APOBEC3G: variants seen among roughly 807,000 people sequenced by gnomAD.
APOBEC3G encodes DNA dC->dU-editing enzyme APOBEC-3G.
Under a neutral mutation model 50.0 loss-of-function variants are expected in APOBEC3G, and 44 were observed. The ratio of observed to expected loss-of-function variants is 0.88; its 90% CI spans 0.69 to 1.13. APOBEC3G has a LOEUF of 1.13. Ranked by LOEUF, APOBEC3G falls within the 50% of genes most tolerant of loss-of-function variation. APOBEC3G has a pLI of 0.00. For missense variants in APOBEC3G, 469 were observed against 492.0 expected, an observed-to-expected ratio of 0.95 and a Z score of 0.44; for synonymous variants, 156 against 175.3, an observed-to-expected ratio of 0.89 and a Z score of 0.87.
Position 39,087,658 on chromosome 22 carries a change from GA to G in APOBEC3G, c.*241del, listed in dbSNP as rs1181763482. 2 of 818,252 alleles carry G rather than the reference GA, an allele frequency of 2.4e-6. No individual in the cohort carries two copies. Among genetic ancestry groups the G allele is most frequent in the Non-Finnish European group, 3.7e-6 (2 of 547,264 alleles). 50.7% of individuals were successfully genotyped at this position (818,252 alleles called of 1,614,324 possible). ...GTACTAAGATTGTGCTCAATACACAGAAAAGTTTCAAACCTACTAATCCAGC... is the reference window on the plus strand; with the variant it reads ...GTACTAAGATTGTGCTCAATACACAGAAAGTTTCAAACCTACTAATCCAGC... On this transcript the variant is annotated 3_prime_UTR_variant, in exon 8 of 8. Transcript: ENST00000407997.
chr22:39,078,692 T>G, intron 1 of APOBEC3G: 1 of 506,466 alleles, frequency 2.0e-6, no homozygotes, highest in Non-Finnish European at 3.4e-6. Context: ...TATTTTGGGG[T>G]GAAGAGTTTT....
upstream of APOBEC3G, chr22:39,077,067 C>T: frequency 1.8e-6 from 1 of 564,998 alleles, no homozygotes; most frequent in South Asian, 2.2e-5. Flanking sequence ...ATGACTTTCT[C>T]TTTCCCTTTG....
In APOBEC3G at chr22:39,087,685, G is replaced by A. The variant is rs1017629534; in HGVS notation, c.*264G>A. 5 of 585,034 alleles carry A rather than the reference G, an allele frequency of 8.5e-6. No individual in the cohort carries two copies. The highest frequency in any genetic ancestry group is 7.9e-5 in the South Asian group (3 of 37,814). 36.2% of individuals were successfully genotyped at this position (585,034 alleles called of 1,614,324 possible). On this transcript the variant is annotated 3_prime_UTR_variant, in exon 8 of 8. Coordinates refer to ENST00000407997, the MANE Select transcript of APOBEC3G (RefSeq NM_021822.4). ...AAAGTTTCAAACCTACTAATCCAGC[G>A]ACAATTTGAATCGGTTTTGTAGGTA...
At chr22:39,081,891 A>G (rs1928480323) in intron 4 of APOBEC3G, 3 of 319,228 alleles carry the variant, frequency 9.4e-6, no homozygotes, top group Non-Finnish European at 1.7e-5. Context: ...TCTCCCTGGC[A>G]TAACCGAATT....
chr22:39,083,598 A>G (rs1204933064), intron 4 of APOBEC3G, 133 bp from the exon 5 acceptor site: 2 of 1,042,886 alleles, frequency 1.9e-6, no homozygotes, highest in Non-Finnish European at 1.4e-6. Context: ...CCCTTCTGAC[A>G]GGTGCTAAGG....
intron 1 of APOBEC3G, among the ~76,000 whole-genome samples, chr22:39,078,296 G>A (rs145999650): frequency 6.6e-6 from 1 of 152,082 alleles, no homozygotes; most frequent in Admixed American, 6.6e-5. Context: ...AAAAAACATG[G>A]AATATATGGG....
At chr22:39,078,089 G>A (rs1468323771) in intron 1 of APOBEC3G, among the ~76,000 whole-genome samples, 31 of 152,112 alleles carry the variant, frequency 2.0e-4, no homozygotes, top group Non-Finnish European at 2.9e-4. Context: ...GATAAACCCT[G>A]TCTCTACTAA....
chr22:39,079,854 G>A (rs1928352205), intron 2 of APOBEC3G: 1 of 150,458 alleles, frequency 6.6e-6, no homozygotes, highest in African/African-American at 2.4e-5. Flanking sequence ...GGGCAACATG[G>A]TGAAATCCCA....
chr22:39,078,734 C>T (rs1284415666), intron 1 of APOBEC3G, 198 bp from the exon 2 acceptor site: 6 of 608,078 alleles, frequency 9.9e-6, no homozygotes, highest in Admixed American at 7.0e-5. Context: ...TTTTTTGAGA[C>T]GGAATTTCGC....
In APOBEC3G at chr22:39,086,361, T is replaced by C. The variant is rs1437045887; in HGVS notation, c.818T>C (p.Leu273Pro). The change falls in exon 6 of 8, where the codon CTG (leucine) becomes CCG (proline). Residue 273 changes from leucine to proline, a missense_variant. Physicochemically the swap from Leu to Pro is moderately conservative, Grantham distance 98. Coordinates refer to ENST00000407997, the MANE Select transcript of APOBEC3G (RefSeq NM_021822.4). ...GTGATTCCCTTTTGGAAGCTGGACCTGGACCAGGACTACAGGGTTACCTGC... is the reference window on the plus strand; with the variant it reads ...GTGATTCCCTTTTGGAAGCTGGACCCGGACCAGGACTACAGGGTTACCTGC... ...LDVIPFWKLD[L>P]DQDYRVTCFT... 7.4e-6 allele frequency: 12 copies of C among 1,614,042 alleles called. No individual in the cohort carries two copies. The East Asian group carries it at 1.6e-4, about 21-fold the overall frequency.
At chr22:39,077,916 C>T (rs1485988432) in intron 1 of APOBEC3G, among the ~76,000 whole-genome samples, 4 of 152,182 alleles carry the variant, frequency 2.6e-5, no homozygotes, top group African/African-American at 2.4e-5. Context: ...CCCAAACACA[C>T]GCTCCTCCTC....
chr22:39,081,775 C>T, intron 4 of APOBEC3G, 190 bp downstream of exon 4: 1 of 551,438 alleles, frequency 1.8e-6, no homozygotes, highest in South Asian at 2.2e-5. Context: ...CTCCCTGCCT[C>T]CCACCTGCTT....
chr22:39,081,354 G>A lies in APOBEC3G; in HGVS notation c.467-117G>A, dbSNP rs577896974. 5.2e-6 allele frequency: 8 copies of A among 1,534,540 alleles called. No homozygotes were observed. The African/African-American group carries it at 1.1e-4, about 21-fold the overall frequency. On this transcript the variant is annotated intron_variant, in intron 3 of 7. Coordinates refer to ENST00000407997, the MANE Select transcript of APOBEC3G (RefSeq NM_021822.4). ...CCAAGTGTCCCAGGGGAGCCTGTGG[G>A]GTTGGGTCTGGCGCTGACTGTAACT... is the stretch of plus-strand genomic sequence containing the variant.
At chr22:39,078,597 G>C (rs1323626346) in intron 1 of APOBEC3G, 1 of 220,080 alleles carries the variant, frequency 4.5e-6, no homozygotes, top group Non-Finnish European at 9.0e-6. Context: ...CTGGGCCTCA[G>C]AATTCGGTTC....
In APOBEC3G at chr22:39,079,057, C is replaced by G. The variant is rs56406663; in HGVS notation, c.143C>G (p.Pro48Arg). The change falls in exon 2 of 8, where the codon CCT becomes CGT. Residue 48 changes from proline (P) to arginine (R), a missense_variant. Transcript: ENST00000407997. The part of the protein sequence containing the change: ...EVKTKGPSRP[P>R]LDAKIFRGQV... Reference sequence around the variant, plus strand: ...AAAACAAAGGGTCCCTCAAGGCCCCCTTTGGACGCAAAGATCTTTCGAGGC... The same window carrying G: ...AAAACAAAGGGTCCCTCAAGGCCCCGTTTGGACGCAAAGATCTTTCGAGGC... The G allele has an allele frequency of 2.7e-3, 4,351 of 1,612,068 alleles. 18 individuals carry two copies. Among genetic ancestry groups the G allele is most frequent in the South Asian group, 5.3e-3 (486 of 90,842 alleles).
Position 39,086,442 on chromosome 22 carries a change from CA to C in APOBEC3G, c.905del (p.Asn302ThrfsTer4), listed in dbSNP as rs757574695. On this transcript the variant is annotated frameshift_variant, in exon 6 of 8. Transcript: ENST00000407997. LOFTEE classifies it high-confidence loss of function. The stretch of plus-strand genomic sequence containing the variant: ...GCCCAGGAAATGGCTAAATTCATTT[CA>C]AAAAACAAACACGTGAGCCTGTGCA... ...SCAQEMAKFI[S>X]KNKHVSLCIF... 4.8e-5 allele frequency: 77 copies of C among 1,613,990 alleles called. No individual in the cohort carries two copies. The Middle Eastern group carries it at 1.8e-3, about 38-fold the overall frequency.
In APOBEC3G at chr22:39,079,046, C is replaced by A. The variant is rs1431246842; in HGVS notation, c.132C>A (p.Pro44=). The A allele has an allele frequency of 6.2e-7, 1 of 1,614,080 alleles. No individual in the cohort carries two copies. The highest frequency in any genetic ancestry group is 8.5e-7 in the Non-Finnish European group (1 of 1,180,038). The part of the protein sequence containing the change: ...WLCYEVKTKG[P]SRPPLDAKIF... ...GCTACGAAGTGAAAACAAAGGGTCC[C>A]TCAAGGCCCCCTTTGGACGCAAAGA... Residue 44 remains proline, a synonymous_variant, in exon 2 of 8, where the codon CCC becomes CCA. Coordinates refer to ENST00000407997, the MANE Select transcript of APOBEC3G (RefSeq NM_021822.4).
At chr22:39,077,569 G>A (rs964029601) in intron 1 of APOBEC3G, among the ~76,000 whole-genome samples, 191 bp downstream of exon 1, 11 of 151,974 alleles carry the variant, frequency 7.2e-5, no homozygotes, top group African/African-American at 2.7e-4. Flanking sequence ...TGCTGCTTCT[G>A]AATGGGCCGC....
At position 39,087,491 on chromosome 22, in the gene APOBEC3G, A is replaced by C; in HGVS notation, c.*70A>C. 6.2e-7 allele frequency: 1 copy of C among 1,613,296 alleles called. No homozygotes were observed. Among genetic ancestry groups the C allele is most frequent in the Non-Finnish European group, 8.5e-7 (1 of 1,179,264 alleles). On this transcript the variant is annotated 3_prime_UTR_variant, in exon 8 of 8. Transcript: ENST00000407997. ...CCTCAGAATAAAAGATCTTCTTCCA[A>C]GAAATGCAAACAGGCTGTTCACCAC...
Sources: allele counts gnomAD v4.1 joint callset (sites outside exome capture counted in the v4.1 genomes callset), GRCh38; gene constraint gnomAD v4.1.1; transcripts MANE v1.5; gene names NCBI Gene and HGNC (gene_info 2026-07-23, HGNC 2026-07-21).